BIRC6: variants seen among roughly 807,000 people sequenced by gnomAD.
BIRC6 encodes the protein baculoviral IAP repeat containing 6, also known as dual E2 ubiquitin-conjugating enzyme/E3 ubiquitin-protein ligase BIRC6.
BIRC6 carries 98 observed loss-of-function variants against 503.3 expected under a neutral mutation model. The ratio of observed to expected loss-of-function variants is 0.19; its 90% CI spans 0.17 to 0.23. The LOEUF (loss-of-function observed/expected upper bound fraction) is 0.23. Ranked by LOEUF, BIRC6 falls within the 10% of genes least tolerant of loss-of-function variation. BIRC6 has a pLI of 1.00. For synonymous variants in BIRC6, 2,240 were observed against 2,078.7 expected, an observed-to-expected ratio of 1.08 and a Z score of -2.11; for missense variants, 5,360 against 5,806.0, an observed-to-expected ratio of 0.92 and a Z score of 2.50.
At chr2:32,492,758 T>C (rs1381091084) in intron 44 of BIRC6, among the ~76,000 whole-genome samples, 1 of 152,092 alleles carries the variant, frequency 6.6e-6, no homozygotes, top group South Asian at 2.1e-4. Context: ...CTTGGTTTTA[T>C]ATAGGAAGTT....
At chr2:32,403,656 G>A (rs1229201099) in intron 8 of BIRC6, among the ~76,000 whole-genome samples, 1 of 152,110 alleles carries the variant, frequency 6.6e-6, no homozygotes, top group Non-Finnish European at 1.5e-5. Flanking sequence ...ATATTAGTAT[G>A]TCTGTTTTTC....
chr2:32,598,137 C>T (rs746911516), intron 69 of BIRC6, among the ~76,000 whole-genome samples, 169 bp downstream of exon 69: 3 of 150,758 alleles, frequency 2.0e-5, no homozygotes, highest in African/African-American at 4.9e-5. Context: ...CCCCTCCCCC[C>T]CTTTTTTTTT....
At chr2:32,377,946 T>C (rs1394673246) in intron 2 of BIRC6, among the ~76,000 whole-genome samples, 177 bp downstream of exon 2, 2 of 152,214 alleles carry the variant, frequency 1.3e-5, no homozygotes, top group African/African-American at 4.8e-5. Flanking sequence ...CTCTGCATAA[T>C]TAATTCTTGT....
intron 66 of BIRC6, among the ~76,000 whole-genome samples, chr2:32,592,406 A>G (rs1436139787): frequency 6.6e-6 from 1 of 152,188 alleles, no homozygotes; most frequent in African/African-American, 2.4e-5. Flanking sequence ...TACACATTGT[A>G]GGAACCAAAT....
intron 12 of BIRC6, 91 bp downstream of exon 12, chr2:32,431,181 CTTTTTTTTTTTTTTT>C (rs10610125): frequency 1.9e-3 from 132 of 69,332 alleles, no homozygotes; most frequent in Middle Eastern, 8.6e-3. Context: ...TACTGTTTAT[CTTTTTTTTTTTTTTT>C]TTTTTTTTTT....
chr2:32,493,500 A>G (rs1359608598), intron 44 of BIRC6, 40 bp from the exon 45 acceptor site: 7 of 1,530,842 alleles, frequency 4.6e-6, no homozygotes, highest in Non-Finnish European at 6.2e-6. Flanking sequence ...TTTACATGTT[A>G]CCAGTAAGCA....
At chr2:32,363,757 A>G (rs2034464394) in intron 1 of BIRC6, among the ~76,000 whole-genome samples, 1 of 152,186 alleles carries the variant, frequency 6.6e-6, no homozygotes, top group South Asian at 2.1e-4. Flanking sequence ...GTTTAATAGG[A>G]TGGTGGGGAA....
chr2:32,574,280 AT>A (rs2060114224), intron 65 of BIRC6, among the ~76,000 whole-genome samples: 2 of 150,808 alleles, frequency 1.3e-5, no homozygotes, highest in African/African-American at 2.4e-5. Flanking sequence ...CGCCCAGCTA[AT>A]TTTTTGTTAT....
chr2:32,432,147 C>T (rs529844604), intron 12 of BIRC6, among the ~76,000 whole-genome samples: 8 of 151,960 alleles, frequency 5.3e-5, no homozygotes, highest in Non-Finnish European at 8.8e-5. Context: ...CAGGCATGGT[C>T]GCTCAAACCT....
Position 32,467,525 on chromosome 2 carries a change from G to C in BIRC6, c.5357G>C (p.Gly1786Ala). The C allele has an allele frequency of 1.9e-6, 3 of 1,612,976 alleles. No individual in the cohort carries two copies. Among genetic ancestry groups the C allele is most frequent in the Non-Finnish European group, 2.5e-6 (3 of 1,179,138 alleles). ...CAACTGTTTCTTCTTTCTCTCATAG[G>C]AGCAAGAAGATTTGTGACCTTGGAT... ...QSIIIERMHS[G>A]ARRFVTLDFG... is the part of the protein sequence containing the mutation. Residue 1786 changes from glycine to alanine, a missense_variant and splice_region_variant, in exon 27 of 74, where the codon GGA (glycine) becomes GCA (alanine). This residue lies in a region of BIRC6 where 2,299 missense variants were observed against 2,267.2 expected (regional missense o/e 1.01). Transcript: ENST00000421745.
chr2:32,603,097 C>T lies in BIRC6; in HGVS notation c.14070+14C>T, dbSNP rs1042846980. On this transcript the variant is annotated intron_variant, in intron 71 of 73. Coordinates refer to ENST00000421745, the MANE Select transcript of BIRC6 (RefSeq NM_016252.4). ...AGCTTTTTGCAAGTAAACAAAATTTCTCTGACATTTTCACTTAAGAAATAA... is the reference window on the plus strand; with the variant it reads ...AGCTTTTTGCAAGTAAACAAAATTTTTCTGACATTTTCACTTAAGAAATAA... 12 of 1,599,352 alleles carry T rather than the reference C, an allele frequency of 7.5e-6. No individual in the cohort carries two copies. The African/African-American group carries it at 1.5e-4, about 20-fold the overall frequency.
intron 65 of BIRC6, chr2:32,557,423 T>C (rs1359782785): frequency 6.6e-5 from 10 of 152,216 alleles, no homozygotes. Context: ...TTGTATACGT[T>C]ACTAAATCTT....
chr2:32,503,718 G>T (rs2053469463), intron 49 of BIRC6, among the ~76,000 whole-genome samples: 1 of 151,842 alleles, frequency 6.6e-6, no homozygotes, highest in Non-Finnish European at 1.5e-5. Context: ...CACCATGCCT[G>T]GCCGAGAGGG....
intron 15 of BIRC6, among the ~76,000 whole-genome samples, chr2:32,437,712 C>T (rs77061188): frequency 0.055 from 8,398 of 152,154 alleles, 336 homozygotes; most frequent in Non-Finnish European, 0.085. Flanking sequence ...AGCATCATAT[C>T]GGCTCTCAAA....
intron 61 of BIRC6, among the ~76,000 whole-genome samples, chr2:32,531,951 C>T (rs2056795648): frequency 6.6e-6 from 1 of 152,154 alleles, no homozygotes; most frequent in Admixed American, 6.5e-5. Flanking sequence ...TTTCAGGTGC[C>T]ATTTCCATTT....
intron 11 of BIRC6, 28 bp downstream of exon 11, chr2:32,429,323 T>TA: frequency 1.4e-6 from 2 of 1,427,626 alleles, no homozygotes; most frequent in Non-Finnish European, 9.3e-7. Context: ...TAAATGATTT[T>TA]AAAAAAAGAA....
intron 54 of BIRC6, 101 bp from the exon 55 acceptor site, chr2:32,514,889 A>T (rs1291430280): frequency 1.2e-6 from 1 of 865,598 alleles, no homozygotes; most frequent in East Asian, 2.7e-5. Flanking sequence ...CAAATAAAGT[A>T]TATAATGTCA....
At chr2:32,594,186 A>C (rs769784089) in intron 67 of BIRC6, 126 bp downstream of exon 67, 3 of 1,106,412 alleles carry the variant, frequency 2.7e-6, no homozygotes, top group Non-Finnish European at 3.8e-6. Context: ...TTACCTAAAA[A>C]TTTTGTTCTC....
intron 10 of BIRC6, among the ~76,000 whole-genome samples, chr2:32,427,639 C>G (rs1435960705): frequency 6.6e-6 from 1 of 151,978 alleles, no homozygotes; most frequent in Admixed American, 6.6e-5. Flanking sequence ...CCATTATTTC[C>G]TGTAATCTCT....
Sources: gnomAD v4.1 joint callset for allele counts (sites outside exome capture counted in the v4.1 genomes callset) on GRCh38, gnomAD v4.1.1 for gene constraint, gnomAD v4.1.1 regional missense constraint, MANE v1.5 for transcripts, NCBI Gene and HGNC (gene_info 2026-07-23, HGNC 2026-07-21) for gene names.